ENPP1: variants seen among roughly 807,000 people sequenced by gnomAD.
The protein encoded by ENPP1 is ectonucleotide pyrophosphatase/phosphodiesterase family member 1.
In ENPP1, 73 loss-of-function variants were observed where a neutral mutation model predicts 122.8. The observed-to-expected ratio is 0.59, with a 90% CI of 0.49 to 0.72. ENPP1 has a LOEUF of 0.72. Among genes scored for constraint, ENPP1 ranks in the 30% least tolerant of loss-of-function variants. ENPP1 has a pLI of 0.00. For missense variants in ENPP1, 978 were observed against 1,128.1 expected (o/e 0.87, Z 1.91); for synonymous variants, 367 against 391.6 (o/e 0.94, Z 0.74).
intron 5 of ENPP1, among the ~76,000 whole-genome samples, chr6:131,853,510 C>A (rs1322666387): frequency 6.6e-6 from 1 of 152,084 alleles, no homozygotes; most frequent in African/African-American, 2.4e-5. Flanking sequence ...CACTAACCTG[C>A]TTTTATGATT....
chr6:131,815,871 A>ATTTTTTTTTT (rs750091125), intron 1 of ENPP1, among the ~76,000 whole-genome samples: 95 of 115,782 alleles, frequency 8.2e-4, no homozygotes, highest in Middle Eastern at 4.6e-3. Context: ...CACCTGGCTA[A>ATTTTTTTTTT]TTTTTTTTTT....
At chr6:131,873,775 T>C (rs1782192985) in intron 15 of ENPP1, among the ~76,000 whole-genome samples, 1 of 152,102 alleles carries the variant, frequency 6.6e-6, no homozygotes, top group South Asian at 2.1e-4. Context: ...AGAATTATAC[T>C]GTCTCCACTC....
At chr6:131,850,531 G>A (rs922560799) in intron 3 of ENPP1, among the ~76,000 whole-genome samples, 2 of 152,098 alleles carry the variant, frequency 1.3e-5, no homozygotes, top group Non-Finnish European at 2.9e-5. Flanking sequence ...CATATGACAT[G>A]GAATAATTTT....
chr6:131,847,482 G>C (rs1781823831), intron 1 of ENPP1, among the ~76,000 whole-genome samples: 1 of 152,116 alleles, frequency 6.6e-6, no homozygotes, highest in East Asian at 1.9e-4. Context: ...CTGGAAAAAA[G>C]AACAGCACCA....
intron 20 of ENPP1, among the ~76,000 whole-genome samples, chr6:131,880,679 C>G (rs1421453728): frequency 6.6e-6 from 1 of 152,110 alleles, no homozygotes; most frequent in Non-Finnish European, 1.5e-5. Context: ...TAGGATCAGT[C>G]ACAGTTACCC....
chr6:131,854,174 G>A (rs1781916061), intron 5 of ENPP1, among the ~76,000 whole-genome samples: 1 of 152,152 alleles, frequency 6.6e-6, no homozygotes, highest in Admixed American at 6.6e-5. Context: ...GGAGGCCGAG[G>A]TGGGAAGATT....
At chr6:131,879,111 A>G (rs1422430672) in intron 19 of ENPP1, among the ~76,000 whole-genome samples, 2 of 152,166 alleles carry the variant, frequency 1.3e-5, no homozygotes, top group Non-Finnish European at 2.9e-5. Flanking sequence ...TACTTGGCAC[A>G]CATTTTTTTT....
intron 1 of ENPP1, chr6:131,819,981 A>G (rs909552524): frequency 2.0e-5 from 11 of 559,512 alleles, no homozygotes; most frequent in Middle Eastern, 3.0e-4. Context: ...GAGTTTTGAA[A>G]AGCAAAACCA....
chr6:131,875,654 G>A, intron 16 of ENPP1, 122 bp from the exon 17 acceptor site: 1 of 759,838 alleles, frequency 1.3e-6, no homozygotes, highest in East Asian at 2.5e-5. Context: ...ACTGAGCGTG[G>A]TAGTTTTCCT....
intron 1 of ENPP1, 95 bp from the exon 2 acceptor site, chr6:131,847,681 G>T: frequency 1.1e-6 from 1 of 879,202 alleles, no homozygotes; most frequent in South Asian, 1.6e-5. Flanking sequence ...ACCCTAGCCT[G>T]GGTAACAGAG....
At chr6:131,878,026 T>A (rs970336535) in intron 18 of ENPP1, among the ~76,000 whole-genome samples, 25 of 151,266 alleles carry the variant, frequency 1.7e-4, no homozygotes, top group Non-Finnish European at 5.9e-5. Context: ...ATTTTTTAAT[T>A]ACTGGTGTGA....
At chr6:131,860,622 G>T in intron 8 of ENPP1, 116 bp downstream of exon 8, 1 of 773,258 alleles carries the variant, frequency 1.3e-6, no homozygotes, top group Non-Finnish European at 2.1e-6. Context: ...TGTGTCTGTG[G>T]CCATTCTTTT....
chr6:131,857,569 A>G (rs1482358401), intron 6 of ENPP1, among the ~76,000 whole-genome samples: 2 of 150,602 alleles, frequency 1.3e-5, no homozygotes, highest in Admixed American at 6.6e-5. Context: ...CAAACACCAC[A>G]TATTCTCACT....
intron 1 of ENPP1, among the ~76,000 whole-genome samples, chr6:131,811,091 C>T (rs1562506072): frequency 6.6e-6 from 1 of 151,946 alleles, no homozygotes; most frequent in Non-Finnish European, 1.5e-5. Flanking sequence ...TGTAGACTTC[C>T]ACCGAGATGT....
At chr6:131,810,237 G>A (rs1781331705) in intron 1 of ENPP1, among the ~76,000 whole-genome samples, 1 of 152,098 alleles carries the variant, frequency 6.6e-6, no homozygotes, top group African/African-American at 2.4e-5. Flanking sequence ...ATGCGTCTAT[G>A]TCCCAGCTAC....
rs144099489 is a variant in ENPP1, at chr6:131,883,699, A to C, written c.2236A>C (p.Asn746His). Residue 746 changes from asparagine to histidine, a missense_variant, in exon 22 of 25, where the codon AAT (asparagine) becomes CAT (histidine). This residue lies in a region of ENPP1 where 644 missense variants were observed against 781.5 expected (regional missense o/e 0.82). Coordinates refer to ENST00000647893, the MANE Select transcript of ENPP1 (RefSeq NM_006208.3). ...SYGFLSPPQL[N>H]KNSSGIYSEA... ...GTCCTCTTTTCTCTTTGTAGAACTA[A>C]ATAAAAATTCAAGTGGAATATATTC... The C allele has an allele frequency of 1.3e-4, 180 of 1,402,294 alleles. No individual in the cohort carries two copies. The highest frequency in any genetic ancestry group is 1.3e-3 in the African/African-American group (89 of 70,844). 86.9% of individuals were successfully genotyped at this position (1,402,294 alleles called of 1,614,324 possible).
At chr6:131,834,139 T>G (rs753379631) in intron 1 of ENPP1, among the ~76,000 whole-genome samples, 2 of 152,218 alleles carry the variant, frequency 1.3e-5, no homozygotes, top group Non-Finnish European at 2.9e-5. Context: ...GACCTTTAAC[T>G]TCAGAGAGAA....
chr6:131,851,016 G>C, intron 3 of ENPP1, 126 bp from the exon 4 acceptor site: 1 of 1,049,480 alleles, frequency 9.5e-7, no homozygotes, highest in South Asian at 1.3e-5. Context: ...TTCTGTGAGT[G>C]ACTAAGAGCT....
intron 20 of ENPP1, 24 bp downstream of exon 20, chr6:131,880,058 G>A (rs553100378): frequency 6.2e-7 from 1 of 1,608,398 alleles, no homozygotes; most frequent in East Asian, 2.2e-5. Context: ...ACCTCTTTAT[G>A]TGTGGCCATT....
Sources: allele counts gnomAD v4.1 joint callset (sites outside exome capture counted in the v4.1 genomes callset), GRCh38; gene constraint gnomAD v4.1.1; regional missense constraint gnomAD v4.1.1; transcripts MANE v1.5; gene names NCBI Gene and HGNC (gene_info 2026-07-23, HGNC 2026-07-21).